Variants in BRAP observed in about 807,000 individuals in gnomAD.
BRAP encodes BRCA1 associated protein, also known as BRCA1-associated protein.
BRAP carries 42 observed loss-of-function variants against 73.4 expected under a neutral mutation model. The ratio of observed to expected loss-of-function variants is 0.57; its 90% CI spans 0.45 to 0.74. The LOEUF (loss-of-function observed/expected upper bound fraction) is 0.74. Among genes scored for constraint, BRAP ranks in the 30% least tolerant of loss-of-function variants. BRAP has a pLI of 0.00. For synonymous variants in BRAP, 255 were observed against 267.4 expected (o/e 0.95, Z 0.45); for missense variants, 593 against 751.4 (o/e 0.79, Z 2.46).
intron 11 of BRAP, among the ~76,000 whole-genome samples, chr12:111,649,244 CCA>C (rs1279890833): frequency 6.6e-6 from 1 of 152,078 alleles, no homozygotes; most frequent in Non-Finnish European, 1.5e-5. Flanking sequence ...CTTCTGCCTC[CCA>C]GACTCATGTG....
intron 1 of BRAP, among the ~76,000 whole-genome samples, chr12:111,683,833 C>A (rs377440839): frequency 1.3e-5 from 2 of 152,126 alleles, no homozygotes; most frequent in Admixed American, 6.6e-5. Flanking sequence ...TGAGCCACTG[C>A]GCCTGGCCCA....
intron 1 of BRAP, 86 bp downstream of exon 1, chr12:111,685,625 G>A (rs1887794674): frequency 6.9e-7 from 1 of 1,442,450 alleles, no homozygotes; most frequent in African/African-American, 1.5e-5. Flanking sequence ...CTCGCCGCGG[G>A]CTTTTCCCGG....
At chr12:111,681,162 A>C (rs1692779758) in intron 3 of BRAP, among the ~76,000 whole-genome samples, 1 of 152,086 alleles carries the variant, frequency 6.6e-6, no homozygotes, top group Admixed American at 6.6e-5. Flanking sequence ...CTGAGGTCGG[A>C]GTTCAAGACC....
In BRAP at chr12:111,644,253, C is replaced by A; in HGVS notation, c.1725G>T (p.Ser575=). 1 of 1,613,926 alleles carries A rather than the reference C, an allele frequency of 6.2e-7. No individual in the cohort carries two copies. Among genetic ancestry groups the A allele is most frequent in the Non-Finnish European group, 8.5e-7 (1 of 1,180,032 alleles). The change falls in exon 12 of 12, where the codon TCG becomes TCT. Residue 575 remains serine, a synonymous_variant. Transcript: ENST00000419234. ...AMASASSPAS[S]GGSGKLPSRK... ...TGGAGGGCAACTTCCCACTGCCCCC[C>A]GAAGAGGCAGGGCTCGAGGCCGAGG...
intron 1 of BRAP, among the ~76,000 whole-genome samples, chr12:111,685,226 A>G (rs1370530147): frequency 1.3e-5 from 2 of 152,270 alleles, no homozygotes; most frequent in Admixed American, 6.5e-5. Flanking sequence ...TGTTGCAAAG[A>G]TAATTAAAGA....
chr12:111,660,168 T>C (rs1366551842), intron 7 of BRAP, among the ~76,000 whole-genome samples: 2 of 151,712 alleles, frequency 1.3e-5, no homozygotes, highest in Admixed American at 6.6e-5. Flanking sequence ...GATGCTTTTA[T>C]GGGTCATTTT....
chr12:111,650,601 G>C (rs1389886341), intron 10 of BRAP, among the ~76,000 whole-genome samples: 2 of 151,986 alleles, frequency 1.3e-5, no homozygotes, highest in African/African-American at 4.8e-5. Context: ...TGCCACGTTG[G>C]CCAGGCTGGT....
rs945436320 is a variant in BRAP at position 111,643,155 on chromosome 12, C to T, written c.*1044G>A. ...TACACAGCCCCTCTGTTGGCCCACA[C>T]AAGCGTTATATGACTGTTCTAAAGG... On this transcript the variant is annotated 3_prime_UTR_variant, in exon 12 of 12. Coordinates refer to ENST00000419234, the MANE Select transcript of BRAP (RefSeq NM_006768.5). The T allele has an allele frequency of 6.6e-6, 1 of 152,154 alleles. No individual in the cohort carries two copies. Among genetic ancestry groups the T allele is most frequent in the African/African-American group, 2.4e-5 (1 of 41,430 alleles). The allele number at this position is 152,154 out of a possible 1,614,324, so 9.4% of individuals were successfully genotyped here.
intron 9 of BRAP, among the ~76,000 whole-genome samples, chr12:111,657,229 A>C (rs1404204421): frequency 1.3e-5 from 2 of 152,060 alleles, no homozygotes; most frequent in Non-Finnish European, 1.5e-5. Context: ...TTTTTAGTAG[A>C]AGTGGGGTTT....
intron 4 of BRAP, among the ~76,000 whole-genome samples, chr12:111,674,069 A>C (rs1213315229): frequency 2.6e-5 from 4 of 152,226 alleles, no homozygotes; most frequent in Non-Finnish European, 5.9e-5. Flanking sequence ...ATTCTGCAAC[A>C]GGAAATGCAG....
intron 11 of BRAP, among the ~76,000 whole-genome samples, chr12:111,645,065 ATTATTTAT>A (rs1031860794): frequency 2.7e-5 from 4 of 149,526 alleles, no homozygotes; most frequent in African/African-American, 9.9e-5. Context: ...CCACAAGTGT[ATTATTTAT>A]TTATTTATTT....
intron 9 of BRAP, among the ~76,000 whole-genome samples, chr12:111,656,852 G>C (rs1566114388): frequency 2.0e-5 from 3 of 152,018 alleles, no homozygotes; most frequent in Admixed American, 6.6e-5. Flanking sequence ...TCCTGCCTCA[G>C]CCTCCTGAGT....
chr12:111,681,939 T>A (rs975977957), intron 2 of BRAP, 104 bp from the exon 3 acceptor site: 20 of 1,099,012 alleles, frequency 1.8e-5, no homozygotes, highest in Non-Finnish European at 2.3e-5. Context: ...TTTGATAGAG[T>A]AATTACAATG....
intron 6 of BRAP, among the ~76,000 whole-genome samples, chr12:111,663,943 G>A (rs1391766985): frequency 6.6e-6 from 1 of 152,220 alleles, no homozygotes; most frequent in South Asian, 2.1e-4. Context: ...TCCTCCTCCT[G>A]TATAAAATGA....
At chr12:111,671,485 G>T (rs1887168109) in intron 5 of BRAP, among the ~76,000 whole-genome samples, 2 of 152,054 alleles carry the variant, frequency 1.3e-5, no homozygotes, top group African/African-American at 2.4e-5. Context: ...GGGAGGTGGA[G>T]GTTGCAGTGA....
rs1463439127 is a variant in BRAP, at chr12:111,642,177, T to G, written c.*2022A>C. Reference sequence around the variant, plus strand: ...CAAAGTTTGGCTATTTTAATTCAATTTCATTGTTCAAGGTAGTATGGGTAT... The same window carrying G: ...CAAAGTTTGGCTATTTTAATTCAATGTCATTGTTCAAGGTAGTATGGGTAT... On this transcript the variant is annotated 3_prime_UTR_variant, in exon 12 of 12. Transcript: ENST00000419234. 1 of 152,110 alleles carries G rather than the reference T, an allele frequency of 6.6e-6. No homozygotes were observed. The highest frequency in any genetic ancestry group is 6.6e-5 in the Admixed American group (1 of 15,252). 9.4% of individuals were successfully genotyped at this position (152,110 alleles called of 1,614,324 possible).
At position 111,681,726 on chromosome 12, in the gene BRAP, C is replaced by T. The variant is rs375357747; in HGVS notation, c.354G>A (p.Pro118=). 32 of 1,613,882 alleles carry T rather than the reference C, an allele frequency of 2.0e-5. No homozygotes were observed. Among genetic ancestry groups the T allele is most frequent in the East Asian group, 8.9e-5 (4 of 44,878 alleles). ...KECINAAPDS[P]SKQLPDQISF... ...AAATCTGGTCTGGAAGCTGTTTGGA[C>T]GGAGAATCTGGGGCAGCGTTTATGC... The change falls in exon 3 of 12, where the codon CCG becomes CCA. Residue 118 remains proline (P), a synonymous_variant. Coordinates refer to ENST00000419234, the MANE Select transcript of BRAP (RefSeq NM_006768.5).
chr12:111,653,939 T>C (rs1886416967), intron 10 of BRAP, among the ~76,000 whole-genome samples: 1 of 152,220 alleles, frequency 6.6e-6, no homozygotes, highest in Admixed American at 6.5e-5. Context: ...AGTTTCAGTG[T>C]TTCGTTTTCC....
Position 111,681,195 on chromosome 12 carries a change from C to A in BRAP, c.443+442G>T, listed in dbSNP as rs546321383. On this transcript the variant is annotated intron_variant, in intron 3 of 11. Transcript: ENST00000419234. ...ACCAGCCTGGCCAACAGGGTGAAAC[C>A]CCATCTCTACTAAAAATACAAAAAA... is the stretch of plus-strand genomic sequence containing the variant. 2.6e-5 allele frequency among the ~76,000 whole-genome samples: 4 copies of A among 151,956 alleles called. No individual in the cohort carries two copies. In the South Asian group the frequency reaches 8.3e-4, roughly 32 times the overall value.
Sources: gnomAD v4.1 joint callset for allele counts (sites outside exome capture counted in the v4.1 genomes callset) on GRCh38, gnomAD v4.1.1 for gene constraint, MANE v1.5 for transcripts, NCBI Gene and HGNC (gene_info 2026-07-23, HGNC 2026-07-21) for gene names.